MAP2: variants seen among roughly 807,000 people sequenced by gnomAD.
MAP2 encodes the protein microtubule associated protein 2, also known as microtubule-associated protein 2.
A neutral mutation model predicts 137.6 loss-of-function variants in MAP2; 14 were observed. The ratio of observed to expected loss-of-function variants is 0.10; its 90% CI spans 0.07 to 0.16. The LOEUF (loss-of-function observed/expected upper bound fraction) is 0.16, where lower values mean the gene tolerates loss of function less well. Ranked by LOEUF, MAP2 falls within the 10% of genes least tolerant of loss-of-function variation. The pLI is 1.00. For missense variants in MAP2, 2,088 were observed against 2,191.5 expected, an observed-to-expected ratio of 0.95 and a Z score of 0.94; for synonymous variants, 786 against 782.3, an observed-to-expected ratio of 1.00 and a Z score of -0.08.
rs201319995 is a variant in MAP2, at chr2:209,680,781, T to C, written c.408T>C (p.Ser136=). ...AAGAAACAGCTAATCTGCCTCCTTC[T>C]CCACCCCCATCACCTGCCTCAGAAC... is the stretch of plus-strand genomic sequence containing the variant. ...AAEETANLPP[S]PPPSPASEQT... Residue 136 remains serine, a synonymous_variant, in exon 7 of 16, where the codon TCT becomes TCC. Coordinates refer to ENST00000682079, the MANE Select transcript of MAP2 (RefSeq NM_001375505.1). 110 of 1,613,688 alleles carry C rather than the reference T, an allele frequency of 6.8e-5. No homozygotes were observed. Among genetic ancestry groups the C allele is most frequent in the Non-Finnish European group, 8.6e-5 (101 of 1,179,698 alleles).
intron 1 of MAP2, among the ~76,000 whole-genome samples, chr2:209,453,258 G>T (rs1700710702): frequency 6.6e-6 from 1 of 152,068 alleles, no homozygotes; most frequent in South Asian, 2.1e-4. Flanking sequence ...CTTTAATGAT[G>T]CATGATCAGC....
chr2:209,730,370 T>A lies in MAP2; in HGVS notation c.5457T>A (p.Thr1819=), dbSNP rs1238890387. ...PQLATLAEDV[T]AALAKQGL is the part of the protein sequence containing the mutation. ...TTGCCACTTTGGCTGAGGATGTCACTGCTGCACTCGCTAAGCAGGGCTTGT... is the reference window on the plus strand; with the variant it reads ...TTGCCACTTTGGCTGAGGATGTCACAGCTGCACTCGCTAAGCAGGGCTTGT... Residue 1819 remains threonine, a synonymous_variant, in exon 16 of 16, where the codon ACT becomes ACA. Coordinates refer to ENST00000682079, the MANE Select transcript of MAP2 (RefSeq NM_001375505.1). The A allele has an allele frequency of 1.2e-6, 2 of 1,613,856 alleles. No individual in the cohort carries two copies. Among genetic ancestry groups the A allele is most frequent in the Non-Finnish European group, 1.7e-6 (2 of 1,179,916 alleles).
chr2:209,637,830 T>C (rs1232211516), intron 4 of MAP2, among the ~76,000 whole-genome samples: 2 of 152,278 alleles, frequency 1.3e-5, no homozygotes, highest in East Asian at 1.9e-4. Context: ...TTTCTAAAAT[T>C]TGTTTTATTT....
At chr2:209,696,381 C>G in intron 8 of MAP2, 31 bp downstream of exon 8, 1 of 1,522,984 alleles carries the variant, frequency 6.6e-7, no homozygotes, top group Non-Finnish European at 8.8e-7. Context: ...TATTTTAACT[C>G]AAACACAATA....
intron 1 of MAP2, among the ~76,000 whole-genome samples, chr2:209,438,597 T>G (rs926509121): frequency 6.6e-6 from 1 of 151,536 alleles, no homozygotes; most frequent in Admixed American, 6.6e-5. Context: ...CAGAGAAGAT[T>G]CTATATGTTT....
chr2:209,434,025 G>T (rs559070262), intron 1 of MAP2, among the ~76,000 whole-genome samples: 1 of 152,138 alleles, frequency 6.6e-6, no homozygotes, highest in East Asian at 1.9e-4. Flanking sequence ...CACACATTTT[G>T]CTTCTTAGAG....
chr2:209,472,467 T>C (rs963835622), intron 1 of MAP2, among the ~76,000 whole-genome samples: 4 of 152,190 alleles, frequency 2.6e-5, no homozygotes, highest in Non-Finnish European at 4.4e-5. Flanking sequence ...CTGGGTTATG[T>C]TGGAGTTGTA....
intron 1 of MAP2, among the ~76,000 whole-genome samples, chr2:209,444,797 TC>T (rs1370233234): frequency 5.3e-5 from 8 of 151,552 alleles, no homozygotes; most frequent in African/African-American, 1.9e-4. Flanking sequence ...ACACTTGGTT[TC>T]TTGATTAAAA....
intron 13 of MAP2, 91 bp from the exon 14 acceptor site, chr2:209,725,618 G>A: frequency 3.0e-6 from 2 of 657,918 alleles, no homozygotes; most frequent in East Asian, 6.2e-5. Flanking sequence ...TGCATGTTGT[G>A]ACTTTGGGTG....
intron 1 of MAP2, among the ~76,000 whole-genome samples, chr2:209,454,537 A>G (rs1035399633): frequency 6.6e-6 from 1 of 151,974 alleles, no homozygotes; most frequent in Non-Finnish European, 1.5e-5. Context: ...GGGTTTCACC[A>G]TGTTGGCCAG....
intron 1 of MAP2, among the ~76,000 whole-genome samples, chr2:209,470,101 G>A (rs562906305): frequency 6.6e-6 from 1 of 152,242 alleles, no homozygotes; most frequent in Non-Finnish European, 1.5e-5. Flanking sequence ...TCAGAACTTA[G>A]TCATCCATAT....
intron 5 of MAP2, among the ~76,000 whole-genome samples, chr2:209,656,763 T>C (rs2095175959): frequency 6.6e-6 from 1 of 152,162 alleles, no homozygotes; most frequent in Non-Finnish European, 1.5e-5. Context: ...TCTTTATCTT[T>C]GTTTTTTGTT....
intron 2 of MAP2, among the ~76,000 whole-genome samples, chr2:209,519,066 A>G (rs1576932882): frequency 6.6e-6 from 1 of 152,102 alleles, no homozygotes; most frequent in Non-Finnish European, 1.5e-5. Context: ...TTGAGGGAAT[A>G]TAATTAAAAA....
chr2:209,582,402 C>G (rs11901333), intron 3 of MAP2, among the ~76,000 whole-genome samples: 11,693 of 152,012 alleles, frequency 0.077, 757 homozygotes, highest in African/African-American at 0.18. Context: ...CTTGAAATGT[C>G]CCCTTTCACT....
intron 3 of MAP2, among the ~76,000 whole-genome samples, chr2:209,595,269 ATATT>A (rs1309769483): frequency 1.3e-5 from 2 of 152,190 alleles, no homozygotes; most frequent in African/African-American, 4.8e-5. Context: ...AAGAATATGA[ATATT>A]TATGTTAAAA....
At chr2:209,436,667 A>G (rs574723529) in intron 1 of MAP2, among the ~76,000 whole-genome samples, 2 of 151,880 alleles carry the variant, frequency 1.3e-5, no homozygotes, top group African/African-American at 4.8e-5. Flanking sequence ...TGGAATCTTT[A>G]GATTTCTCTC....
At chr2:209,550,958 C>A (rs566704220) in intron 2 of MAP2, among the ~76,000 whole-genome samples, 2 of 152,146 alleles carry the variant, frequency 1.3e-5, no homozygotes, top group South Asian at 4.2e-4. Flanking sequence ...GAGGAGGTCA[C>A]CCTGACACCT....
Position 209,732,801 on chromosome 2 carries a change from G to A in MAP2, c.*2404G>A, listed in dbSNP as rs187882319. ...TACAAGGCACCAAACTACTAGATTT[G>A]GCATTAAAACAAATGTTTATTTCTA... On this transcript the variant is annotated 3_prime_UTR_variant, in exon 16 of 16. Coordinates refer to ENST00000682079, the MANE Select transcript of MAP2 (RefSeq NM_001375505.1). 4.0e-3 allele frequency: 611 copies of A among 152,582 alleles called. 3 individuals are homozygous for A. Among genetic ancestry groups the A allele is most frequent in the Non-Finnish European group, 5.9e-3 (399 of 67,996 alleles). 9.5% of individuals were successfully genotyped at this position (152,582 alleles called of 1,614,324 possible). A position where few individuals can be genotyped will look rare whatever the true frequency, so the allele number is the denominator to read the frequency against.
intron 14 of MAP2, among the ~76,000 whole-genome samples, chr2:209,727,437 G>A (rs928344611): frequency 9.2e-5 from 14 of 152,276 alleles, no homozygotes; most frequent in Middle Eastern, 3.4e-3. Flanking sequence ...CTAGATGTAC[G>A]GAAAAATTTT....
Sources: gnomAD v4.1 joint callset for allele counts (sites outside exome capture counted in the v4.1 genomes callset) on GRCh38, gnomAD v4.1.1 for gene constraint, MANE v1.5 for transcripts, NCBI Gene and HGNC (gene_info 2026-07-23, HGNC 2026-07-21) for gene names.